Variants in DAB1 observed in about 807,000 individuals in gnomAD.
DAB1 encodes the protein disabled homolog 1.
A neutral mutation model predicts 64.6 loss-of-function variants in DAB1; 15 were observed. The ratio of observed to expected loss-of-function variants is 0.23; its 90% confidence interval spans 0.16 to 0.36. The LOEUF is 0.36. DAB1 is among the 10% of genes least tolerant of loss of function. The pLI, the probability that DAB1 is intolerant of heterozygous loss-of-function variation, is 1.00. For synonymous variants in DAB1, 235 were observed against 251.9 expected (o/e 0.93, Z 0.64); for missense variants, 596 against 706.7 (o/e 0.84, Z 1.78).
At chr1:57,583,153 C>A (rs1279623715) in intron 7 of DAB1, among the ~76,000 whole-genome samples, 2 of 152,146 alleles carry the variant, frequency 1.3e-5, no homozygotes, top group Non-Finnish European at 2.9e-5. Context: ...TAATAAACCC[C>A]AGTGTTTTCA....
chr1:58,004,695 C>T lies in DAB1; in HGVS notation n.388-120533G>A, dbSNP rs11801324. On this transcript the variant is annotated intron_variant and non_coding_transcript_variant, in intron 5 of 20. Coordinates refer to the DAB1 transcript ENST00000485760. ...ATTATCCTGAGAAAACTGTTTAAAT[C>T]GTGCCTGAAGTACAGTGAACAACCC... Among the ~76,000 whole-genome samples, 911 of 152,204 alleles carry T rather than the reference C, an allele frequency of 6.0e-3. 10 individuals carry two copies. Among genetic ancestry groups the T allele is most frequent in the African/African-American group, 0.021 (861 of 41,508 alleles).
intron 6 of DAB1, among the ~76,000 whole-genome samples, chr1:57,684,689 A>C (rs1217762998): frequency 1.3e-5 from 2 of 152,192 alleles, no homozygotes; most frequent in Non-Finnish European, 2.9e-5. Flanking sequence ...TAGCCCACAG[A>C]AACTGTAAAG....
At chr1:57,356,763 T>C (rs1314557749) in intron 1 of DAB1, among the ~76,000 whole-genome samples, 2 of 152,056 alleles carry the variant, frequency 1.3e-5, no homozygotes, top group East Asian at 1.9e-4. Context: ...CTTACTTCTT[T>C]GGGGGACTGA....
intron 3 of DAB1, among the ~76,000 whole-genome samples, chr1:58,474,206 C>G (rs1419503361): frequency 6.6e-6 from 1 of 152,080 alleles, no homozygotes; most frequent in Non-Finnish European, 1.5e-5. Flanking sequence ...AGTAATAGAG[C>G]TCTTTACATG....
intron 4 of DAB1, among the ~76,000 whole-genome samples, chr1:58,186,957 A>G (rs1557687149): frequency 6.6e-6 from 1 of 152,204 alleles, no homozygotes; most frequent in African/African-American, 2.4e-5. Flanking sequence ...AGCATGTCAT[A>G]TAGTGTCAGA....
intron 7 of DAB1, among the ~76,000 whole-genome samples, chr1:57,602,503 G>A (rs6587785): frequency 0.68 from 104,027 of 152,032 alleles, 38,705 homozygotes; most frequent in Non-Finnish European, 0.82. Context: ...TCTTGGTGAA[G>A]GAGAGTTAAT....
At chr1:57,564,924 T>G (rs949351492) in intron 7 of DAB1, among the ~76,000 whole-genome samples, 1 of 151,998 alleles carries the variant, frequency 6.6e-6, no homozygotes, top group Admixed American at 6.6e-5. Context: ...ATACAGAGAA[T>G]GCCACAAAGA....
intron 4 of DAB1, among the ~76,000 whole-genome samples, chr1:58,187,260 T>A (rs1657128875): frequency 7.0e-6 from 1 of 143,584 alleles, no homozygotes; most frequent in African/African-American, 2.6e-5. Flanking sequence ...GGAGTTCAAG[T>A]CCAGCCTGGA....
At chr1:57,880,746 T>C (rs996260440) in intron 1 of DAB1, 6 of 152,230 alleles carry the variant, frequency 3.9e-5, no homozygotes, top group African/African-American at 1.4e-4. Flanking sequence ...TTATGGATAC[T>C]TGCTCAAGCA....
In DAB1 at chr1:57,605,962, A is replaced by G. The variant is rs541254405; in HGVS notation, n.625+43630T>C. On this transcript the variant is annotated intron_variant and non_coding_transcript_variant, in intron 7 of 20. Transcript: ENST00000485760. ...GTCAAAGAGTCACTTGTGGATTCTCATCTGGAAACGACCTCATGTCTTAGA... is the reference window on the plus strand; with the variant it reads ...GTCAAAGAGTCACTTGTGGATTCTCGTCTGGAAACGACCTCATGTCTTAGA... 26 of 685,622 alleles carry G rather than the reference A, an allele frequency of 3.8e-5. No individual in the cohort carries two copies. The African/African-American group carries it at 4.6e-4, about 12-fold the overall frequency. 42.5% of individuals were successfully genotyped at this position (685,622 alleles called of 1,614,324 possible).
At chr1:57,623,288 C>A (rs1645884110) in intron 7 of DAB1, among the ~76,000 whole-genome samples, 1 of 152,150 alleles carries the variant, frequency 6.6e-6, no homozygotes, top group Non-Finnish European at 1.5e-5. Context: ...AACTCATACG[C>A]CCCTGTCTCT....
intron 3 of DAB1, among the ~76,000 whole-genome samples, chr1:58,447,611 C>T (rs1040531173): frequency 6.6e-6 from 1 of 152,084 alleles, no homozygotes; most frequent in Non-Finnish European, 1.5e-5. Context: ...GATAAACAAA[C>T]GCTCGTCAGT....
At chr1:58,486,932 G>A (rs1398235811) in intron 3 of DAB1, among the ~76,000 whole-genome samples, 1 of 152,210 alleles carries the variant, frequency 6.6e-6, no homozygotes, top group East Asian at 1.9e-4. Flanking sequence ...GGAGAGCTAG[G>A]CAGTGGCCAA....
At chr1:58,295,899 T>C (rs960402444) in intron 4 of DAB1, among the ~76,000 whole-genome samples, 4 of 151,884 alleles carry the variant, frequency 2.6e-5, no homozygotes, top group African/African-American at 9.7e-5. Context: ...GAGACCAGCC[T>C]GGCCAACATG....
intron 7 of DAB1, among the ~76,000 whole-genome samples, chr1:57,638,712 G>A (rs981668244): frequency 2.0e-5 from 3 of 152,312 alleles, no homozygotes; most frequent in African/African-American, 7.2e-5. Context: ...GGGGCTTGAA[G>A]AATACGTAGT....
intron 4 of DAB1, among the ~76,000 whole-genome samples, chr1:58,180,454 G>C (rs1032762666): frequency 6.6e-6 from 1 of 150,556 alleles, no homozygotes; most frequent in Non-Finnish European, 1.5e-5. Context: ...CACCACCCCA[G>C]GATAATTTTT....
intron 5 of DAB1, among the ~76,000 whole-genome samples, chr1:58,120,157 T>C (rs76637104): frequency 0.018 from 2,776 of 152,272 alleles, 74 homozygotes; most frequent in African/African-American, 0.062. Context: ...CTGTGTGGTT[T>C]GGGGTAAATA....
At chr1:57,003,996 T>A (rs962883643) in intron 14 of DAB1, among the ~76,000 whole-genome samples, 2 of 152,184 alleles carry the variant, frequency 1.3e-5, no homozygotes, top group Non-Finnish European at 1.5e-5. Flanking sequence ...GTAAACATAC[T>A]CAGGTCTTTT....
At chr1:57,419,820 G>T (rs1194344082) in intron 1 of DAB1, among the ~76,000 whole-genome samples, 1 of 152,246 alleles carries the variant, frequency 6.6e-6, no homozygotes, top group African/African-American at 2.4e-5. Context: ...TACAGAGCTG[G>T]TAGAGCTGAG....
Sources: allele counts gnomAD v4.1 joint callset (sites outside exome capture counted in the v4.1 genomes callset), GRCh38; gene constraint gnomAD v4.1.1; transcripts MANE v1.5; gene names NCBI Gene and HGNC (gene_info 2026-07-23, HGNC 2026-07-21).